Variants in TMED8 observed in about 807,000 individuals in gnomAD.
The protein encoded by TMED8 is transmembrane p24 trafficking protein family member 8, also known as protein TMED8.
TMED8 carries 15 observed loss-of-function variants against 32.7 expected under a neutral mutation model. The ratio of observed to expected loss-of-function variants is 0.46; its 90% confidence interval spans 0.31 to 0.71. The LOEUF is 0.71. TMED8 is among the 30% of genes least tolerant of loss of function. The pLI is 0.06. For synonymous variants in TMED8, 147 were observed against 161.4 expected (o/e 0.91, Z 0.68); for missense variants, 390 against 423.9 (o/e 0.92, Z 0.70).
intron 1 of TMED8, among the ~76,000 whole-genome samples, chr14:77,358,460 A>G (rs943390132): frequency 3.9e-5 from 6 of 151,906 alleles, no homozygotes; most frequent in Admixed American, 3.9e-4. Flanking sequence ...CACCACGCCC[A>G]GCTAATTTTT....
At chr14:77,353,529 C>T (rs1594846120) in intron 1 of TMED8, among the ~76,000 whole-genome samples, 1 of 149,854 alleles carries the variant, frequency 6.7e-6, no homozygotes, top group South Asian at 2.1e-4. Context: ...GGCCTCTTGG[C>T]AACCTCAACC....
At chr14:77,352,660 A>G (rs1893206083) in intron 1 of TMED8, among the ~76,000 whole-genome samples, 1 of 151,640 alleles carries the variant, frequency 6.6e-6, no homozygotes, top group Non-Finnish European at 1.5e-5. Context: ...AGTCACTTGA[A>G]CCCAGGAGGT....
chr14:77,358,657 G>A (rs1156632676), intron 1 of TMED8, among the ~76,000 whole-genome samples: 1 of 151,976 alleles, frequency 6.6e-6, no homozygotes, highest in Non-Finnish European at 1.5e-5. Context: ...GTCTTGTTGT[G>A]GAAAATCCTG....
intron 3 of TMED8, among the ~76,000 whole-genome samples, chr14:77,345,239 G>A (rs1231984354): frequency 6.6e-6 from 1 of 152,048 alleles, no homozygotes; most frequent in Non-Finnish European, 1.5e-5. Context: ...TGCCTGCCTC[G>A]GCCTCCCAAA....
chr14:77,335,870 G>A lies in TMED8; in HGVS notation c.*5901C>T, dbSNP rs1892749317. 2 of 152,196 alleles carry A rather than the reference G, an allele frequency of 1.3e-5. No individual in the cohort carries two copies. The highest frequency in any genetic ancestry group is 4.1e-4 in the South Asian group (2 of 4,832). 9.4% of individuals were successfully genotyped at this position (152,196 alleles called of 1,614,324 possible). ...TACAGGATAATCTCAGGAGACATGA[G>A]TGGAGTTTTTCATATGGAATTTCTT... is the stretch of plus-strand genomic sequence containing the variant. On this transcript the variant is annotated 3_prime_UTR_variant, in exon 6 of 6. Coordinates refer to ENST00000216468, the MANE Select transcript of TMED8 (RefSeq NM_213601.3).
At chr14:77,351,618 A>G in intron 2 of TMED8, 55 bp downstream of exon 2, 1 of 1,479,706 alleles carries the variant, frequency 6.8e-7, no homozygotes, top group Non-Finnish European at 9.3e-7. Flanking sequence ...TTCTTTCACC[A>G]GTTCCTCATC....
intron 3 of TMED8, 95 bp from the exon 4 acceptor site, chr14:77,343,918 C>G: frequency 7.7e-7 from 1 of 1,297,830 alleles, no homozygotes; most frequent in Admixed American, 2.2e-5. Flanking sequence ...GCTCTATTAT[C>G]TCCACTATCC....
chr14:77,341,607 G>A lies in TMED8; in HGVS notation c.*164C>T. ...CTACACCACCACCTGCAGAAGCCAA[G>A]AAGGGGAAAAAGCTACGTGGGCCAA... On this transcript the variant is annotated 3_prime_UTR_variant, in exon 6 of 6. Transcript: ENST00000216468. 1.5e-6 allele frequency: 1 copy of A among 658,888 alleles called. No individual in the cohort carries two copies. Among genetic ancestry groups the A allele is most frequent in the South Asian group, 1.9e-5 (1 of 53,370 alleles). 40.8% of individuals were successfully genotyped at this position (658,888 alleles called of 1,614,324 possible).
rs776626456 is a variant in TMED8 at position 77,343,440 on chromosome 14, G to A, written c.498C>T (p.Ala166=). The change falls in exon 5 of 6, where the codon GCC becomes GCT. Residue 166 remains alanine (A), a synonymous_variant. Coordinates refer to ENST00000216468, the MANE Select transcript of TMED8 (RefSeq NM_213601.3). Reference sequence around the variant, plus strand: ...GCTTGCTTTTGAATTCCTTCACCTTGGCAAAGGTCCAGATGCATGGAGGAG... The same window carrying A: ...GCTTGCTTTTGAATTCCTTCACCTTAGCAAAGGTCCAGATGCATGGAGGAG... ...LMAPPCIWTF[A]KVKEFKSKLG... is the part of the protein sequence containing the mutation. 6.2e-7 allele frequency: 1 copy of A among 1,613,698 alleles called. No individual in the cohort carries two copies. The highest frequency in any genetic ancestry group is 1.7e-5 in the Admixed American group (1 of 59,966).
At chr14:77,359,729 C>A in intron 1 of TMED8, 1 of 254,846 alleles carries the variant, frequency 3.9e-6, no homozygotes, top group Non-Finnish European at 7.8e-6. Flanking sequence ...AGAAAAGATC[C>A]ACATGATTAT....
intron 1 of TMED8, among the ~76,000 whole-genome samples, chr14:77,373,282 G>C (rs144548141): frequency 5.7e-4 from 86 of 150,222 alleles, no homozygotes; most frequent in African/African-American, 2.1e-3. Flanking sequence ...TCACAATAGA[G>C]TTTTATTTTC....
Position 77,372,939 on chromosome 14 carries a change from TATATATATATATA to T in TMED8, c.118+3984_118+3996del, listed in dbSNP as rs1192239198. 5.1e-3 allele frequency among the ~76,000 whole-genome samples: 174 copies of T among 33,896 alleles called. 3 individuals carry two copies. The highest frequency in any genetic ancestry group is 0.016 in the African/African-American group (67 of 4,142). 22.2% of individuals were successfully genotyped at this position (33,896 alleles called of 152,430 possible). A position where few individuals can be genotyped will look rare whatever the true frequency, so the allele number is the denominator to read the frequency against. ...ATATATATATATATATATATATATA[TATATATATATATA>T]TTTTTTTTTTTTTTTTTTTTTTTTT... On this transcript the variant is annotated intron_variant, in intron 1 of 5. Transcript: ENST00000216468.
At chr14:77,356,194 T>C (rs190339935) in intron 1 of TMED8, among the ~76,000 whole-genome samples, 191 of 152,204 alleles carry the variant, frequency 1.3e-3, no homozygotes, top group Non-Finnish European at 1.3e-3. Context: ...ATATGAAAGA[T>C]TGCATGAAAA....
At chr14:77,352,703 C>T (rs1893207349) in intron 1 of TMED8, among the ~76,000 whole-genome samples, 1 of 152,098 alleles carries the variant, frequency 6.6e-6, no homozygotes, top group Non-Finnish European at 1.5e-5. Context: ...CACACCACTG[C>T]ACTCCAGCCT....
chr14:77,365,539 G>A (rs986871930), intron 1 of TMED8, among the ~76,000 whole-genome samples: 1 of 152,212 alleles, frequency 6.6e-6, no homozygotes, highest in African/African-American at 2.4e-5. Context: ...AAAGGAGGCT[G>A]AATGAACAAA....
intron 1 of TMED8, 46 bp from the exon 2 acceptor site, chr14:77,351,797 C>T (rs1179859426): frequency 1.4e-6 from 2 of 1,476,984 alleles, no homozygotes; most frequent in Admixed American, 1.9e-5. Flanking sequence ...AGAGGGAATA[C>T]AATCATAATT....
intron 1 of TMED8, among the ~76,000 whole-genome samples, chr14:77,372,495 C>T (rs1408935260): frequency 6.6e-6 from 1 of 152,138 alleles, no homozygotes; most frequent in Non-Finnish European, 1.5e-5. Context: ...GAACTAAAAG[C>T]AGGCTATGTG....
At chr14:77,356,362 A>G (rs566894535) in intron 1 of TMED8, among the ~76,000 whole-genome samples, 2 of 152,298 alleles carry the variant, frequency 1.3e-5, no homozygotes, top group South Asian at 2.1e-4. Context: ...TTCTTTATAT[A>G]TTTTAACTAA....
chr14:77,352,849 A>C (rs896757252), intron 1 of TMED8, among the ~76,000 whole-genome samples: 1 of 152,254 alleles, frequency 6.6e-6, no homozygotes, highest in African/African-American at 2.4e-5. Flanking sequence ...TGAATTTAGC[A>C]TCAAAGTATA....
Sources: allele counts gnomAD v4.1 joint callset (sites outside exome capture counted in the v4.1 genomes callset), GRCh38; gene constraint gnomAD v4.1.1; transcripts MANE v1.5; gene names NCBI Gene and HGNC (gene_info 2026-07-23, HGNC 2026-07-21).